The following CFAP92 variants were observed in gnomAD, a reference collection of about 807,000 sequenced individuals.
CFAP92 encodes cilia and flagella associated protein 92 (putative).
Under a neutral mutation model 106.3 loss-of-function variants are expected in CFAP92, and 86 were observed. That is an observed-to-expected ratio of 0.81 (90% CI 0.68 to 0.97). The LOEUF (loss-of-function observed/expected upper bound fraction) is 0.97. CFAP92 is among the 50% of genes least tolerant of loss of function. CFAP92 has a pLI of 0.00. For synonymous variants in CFAP92, 477 were observed against 506.4 expected (o/e 0.94, Z 0.78); for missense variants, 1,204 against 1,283.8 (o/e 0.94, Z 0.95).
In CFAP92 at chr3:128,988,837, C is replaced by G. The variant is rs745995432; in HGVS notation, c.344G>C (p.Arg115Pro). The change falls in exon 3 of 16, where the codon CGT (arginine) becomes CCT (proline). Residue 115 changes from arginine to proline, a missense_variant. Coordinates refer to ENST00000645291, the MANE Select transcript of CFAP92 (RefSeq NM_001394090.1). ...KTDSSVTKMR[R>P]FYHIEYFLLP... ...AAGGAAATACTCAATGTGGTAAAAACGACGCATCTTTGTAACAGAACTGTC... is the reference window on the plus strand; with the variant it reads ...AAGGAAATACTCAATGTGGTAAAAAGGACGCATCTTTGTAACAGAACTGTC... 4 of 1,613,818 alleles carry G rather than the reference C, an allele frequency of 2.5e-6. No individual in the cohort carries two copies. The South Asian group carries it at 4.4e-5, about 18-fold the overall frequency.
chr3:128,996,020 G>A (rs1399553564), upstream of CFAP92, among the ~76,000 whole-genome samples: 1 of 152,226 alleles, frequency 6.6e-6, no homozygotes, highest in African/African-American at 2.4e-5. Flanking sequence ...GACACTATGT[G>A]ATTTCTGAGG....
chr3:128,963,473 G>C (rs1040003809), intron 9 of CFAP92, among the ~76,000 whole-genome samples: 1 of 151,948 alleles, frequency 6.6e-6, no homozygotes, highest in African/African-American at 2.4e-5. Flanking sequence ...TCTGCTCCCC[G>C]GCTCCTTCAG....
chr3:128,932,702 G>C lies in CFAP92; in HGVS notation c.2749C>G (p.Gln917Glu). The C allele has an allele frequency of 6.5e-6, 10 of 1,530,440 alleles. No homozygotes were observed. The allele number at this position is 1,530,440 out of a possible 1,614,324, so 94.8% of individuals were successfully genotyped here. A position where few individuals can be genotyped will look rare whatever the true frequency, so the allele number is the denominator to read the frequency against. The part of the protein sequence containing the change: ...KNKDKKHSFI[Q>E]KNITEAYQVS... ...AGTTGGGGAGGAAGGCGGCCCACCT[G>C]GATGAAACTGTGCTTTTTGTCTTTG... Residue 917 changes from glutamine (Q) to glutamate (E), a missense_variant and splice_region_variant, in exon 12 of 16, where the codon CAG becomes GAG. By Grantham distance (29) the Gln-to-Glu change is conservative. Transcript: ENST00000645291.
At chr3:128,950,435 GAAAC>G (rs1270251755) in intron 9 of CFAP92, among the ~76,000 whole-genome samples, 2 of 152,216 alleles carry the variant, frequency 1.3e-5, no homozygotes, top group African/African-American at 4.8e-5. Flanking sequence ...AAGGTGGAGT[GAAAC>G]AAACAGGAAG....
chr3:129,019,879 C>T, the CFAP92 span, among the ~76,000 whole-genome samples: 17 of 150,800 alleles, frequency 1.1e-4, no homozygotes, highest in Admixed American at 1.1e-3. Flanking sequence ...AGCGATTCTC[C>T]TGCCTCAGCC....
intron 4 of CFAP92, among the ~76,000 whole-genome samples, chr3:128,985,261 C>T (rs1286625909): frequency 1.3e-5 from 2 of 152,064 alleles, no homozygotes; most frequent in African/African-American, 2.4e-5. Context: ...GAGTTAGAGA[C>T]CAGCTTGGGT....
chr3:128,941,990 T>C (rs897777000), intron 10 of CFAP92, among the ~76,000 whole-genome samples: 27 of 152,166 alleles, frequency 1.8e-4, no homozygotes, highest in African/African-American at 6.3e-4. Flanking sequence ...TTTCTGCCAC[T>C]GGAAAAAGCT....
chr3:128,991,353 C>T (rs1944201206), intron 2 of CFAP92: 1 of 152,300 alleles, frequency 6.6e-6, no homozygotes, highest in Admixed American at 6.5e-5. Flanking sequence ...TACTATACAC[C>T]CAACCAGTCG....
chr3:128,993,514 G>C, intron 1 of CFAP92, 178 bp from the exon 2 acceptor site: 1 of 627,748 alleles, frequency 1.6e-6, no homozygotes, highest in Non-Finnish European at 2.7e-6. Flanking sequence ...TCGACTTAGA[G>C]AATGAATGGA....
upstream of CFAP92, among the ~76,000 whole-genome samples, chr3:129,006,969 A>G (rs1417443602): frequency 1.3e-5 from 2 of 152,322 alleles, no homozygotes; most frequent in East Asian, 3.9e-4. Flanking sequence ...GCACTTTTTC[A>G]TGTAAGCTCA....
At chr3:128,963,357 C>A (rs975102316) in intron 9 of CFAP92, among the ~76,000 whole-genome samples, 1 of 152,172 alleles carries the variant, frequency 6.6e-6, no homozygotes, top group African/African-American at 2.4e-5. Flanking sequence ...CAGCGGCTGC[C>A]GCTGCTTTAA....
chr3:128,986,614 A>T (rs555442006), intron 4 of CFAP92, among the ~76,000 whole-genome samples: 5 of 152,144 alleles, frequency 3.3e-5, no homozygotes, highest in African/African-American at 1.2e-4. Context: ...ACAGTTCTTA[A>T]ATTTTCTATA....
intron 10 of CFAP92, among the ~76,000 whole-genome samples, chr3:128,944,000 G>A (rs1328903165): frequency 1.4e-5 from 2 of 145,190 alleles, no homozygotes; most frequent in East Asian, 4.1e-4. Flanking sequence ...CGTGATACTG[G>A]CTCACTGCAA....
chr3:128,994,130 G>T (rs1434590083), upstream of CFAP92: 8 of 985,802 alleles, frequency 8.1e-6, no homozygotes, highest in Non-Finnish European at 9.6e-6. Flanking sequence ...ACTCAGCTAC[G>T]TTTGGCGGTT....
intron 12 of CFAP92, among the ~76,000 whole-genome samples, chr3:128,921,598 GAC>G (rs1325971827): frequency 6.6e-6 from 1 of 152,094 alleles, no homozygotes; most frequent in Non-Finnish European, 1.5e-5. Context: ...GGGCAATTTG[GAC>G]ACAGAAAAAA....
chr3:128,940,269 A>T (rs1279382676), intron 10 of CFAP92, among the ~76,000 whole-genome samples: 1 of 152,224 alleles, frequency 6.6e-6, no homozygotes, highest in Non-Finnish European at 1.5e-5. Context: ...ACATGAGTGT[A>T]CAAAGTTTAG....
chr3:128,910,005 G>A lies in CFAP92; in HGVS notation c.*294C>T. 1.2e-6 allele frequency: 2 copies of A among 1,612,750 alleles called. No individual in the cohort carries two copies. Among genetic ancestry groups the A allele is most frequent in the African/African-American group, 1.3e-5 (1 of 75,062 alleles). On this transcript the variant is annotated 3_prime_UTR_variant, in exon 16 of 16. Coordinates refer to ENST00000645291, the MANE Select transcript of CFAP92 (RefSeq NM_001394090.1). ...TCTAGGTAGTGAGTCCCCACTTGGA[G>A]CCTCTGTGATCCCAGACCATCATGG...
chr3:128,996,722 C>A (rs995310317), upstream of CFAP92, among the ~76,000 whole-genome samples: 1 of 152,248 alleles, frequency 6.6e-6, no homozygotes, highest in African/African-American at 2.4e-5. Context: ...CTGCTGGCCT[C>A]GCCTGGGCTC....
At chr3:129,002,200 C>T in intron 1 of CFAP92, 6 of 1,510,652 alleles carry the variant, frequency 4.0e-6, no homozygotes, top group Non-Finnish European at 5.3e-6. Flanking sequence ...GCGCCTGGCC[C>T]CGACAGCGGT....
Sources: gnomAD v4.1 joint callset for allele counts (sites outside exome capture counted in the v4.1 genomes callset) on GRCh38, gnomAD v4.1.1 for gene constraint, MANE v1.5 for transcripts, NCBI Gene and HGNC (gene_info 2026-07-23, HGNC 2026-07-21) for gene names.